SIPA1L3: variants seen among roughly 807,000 people sequenced by gnomAD.
SIPA1L3 encodes the protein signal induced proliferation associated 1 like 3, also known as signal-induced proliferation-associated 1-like protein 3.
SIPA1L3 carries 59 observed loss-of-function variants against 150.1 expected under a neutral mutation model. The ratio of observed to expected loss-of-function variants is 0.39; its 90% CI spans 0.32 to 0.49. SIPA1L3 has a LOEUF of 0.49. Among genes scored for constraint, SIPA1L3 ranks in the 20% least tolerant of loss-of-function variants. SIPA1L3 has a pLI of 0.86. For synonymous variants in SIPA1L3, 1,070 were observed against 1,077.6 expected (o/e 0.99, Z 0.14); for missense variants, 2,211 against 2,489.5 (o/e 0.89, Z 2.38).
intron 1 of SIPA1L3, among the ~76,000 whole-genome samples, chr19:38,022,798 C>T (rs556298888): frequency 6.6e-6 from 1 of 152,230 alleles, no homozygotes; most frequent in African/African-American, 2.4e-5. Context: ...AAACCTTGTG[C>T]TTCAACCCAG....
In SIPA1L3 at chr19:38,169,331, G is replaced by A. The variant is rs1399781232; in HGVS notation, c.4208+4425G>A. On this transcript the variant is annotated intron_variant, in intron 15 of 21. Transcript: ENST00000222345. ...TTGAGTCTGGGAGGCAGAGGTTGCA[G>A]TGAGCCGAGATCACGCCATTGCACT... Among the ~76,000 whole-genome samples the A allele has an allele frequency of 2.6e-5, 4 of 152,108 alleles. No individual in the cohort carries two copies. The South Asian group carries it at 6.2e-4, about 24-fold the overall frequency.
intron 2 of SIPA1L3, among the ~76,000 whole-genome samples, chr19:38,034,091 G>A (rs1473748579): frequency 6.6e-6 from 1 of 151,784 alleles, no homozygotes; most frequent in Non-Finnish European, 1.5e-5. Flanking sequence ...TTCCCCTCAT[G>A]GACACATCGC....
At position 38,025,063 on chromosome 19, in the gene SIPA1L3, A is replaced by T. The variant is rs189019197; in HGVS notation, c.-378-4026A>T. 2.0e-5 allele frequency among the ~76,000 whole-genome samples: 3 copies of T among 152,212 alleles called. No individual in the cohort carries two copies. In the East Asian group the frequency reaches 5.8e-4, roughly 29 times the overall value. On this transcript the variant is annotated intron_variant, in intron 1 of 21. Coordinates refer to ENST00000222345, the MANE Select transcript of SIPA1L3 (RefSeq NM_015073.3). ...CTCTGCTCACCCTCAGGTGGCAAAGAAGTCCTCAGCAGTCCCCCTGCCTTA... is the reference window on the plus strand; with the variant it reads ...CTCTGCTCACCCTCAGGTGGCAAAGTAGTCCTCAGCAGTCCCCCTGCCTTA...
chr19:38,034,316 C>T (rs1036037826), intron 2 of SIPA1L3, among the ~76,000 whole-genome samples: 6 of 152,286 alleles, frequency 3.9e-5, no homozygotes, highest in Admixed American at 1.3e-4. Flanking sequence ...CTGCCGTAAG[C>T]GCCTCACGTG....
At chr19:37,986,307 C>T (rs1967349529) in intron 1 of SIPA1L3, among the ~76,000 whole-genome samples, 2 of 152,228 alleles carry the variant, frequency 1.3e-5, no homozygotes, top group African/African-American at 4.8e-5. Flanking sequence ...AAAGTGCACA[C>T]AGGATGTGCT....
chr19:38,058,234 C>G (rs1364572522), intron 2 of SIPA1L3, among the ~76,000 whole-genome samples: 2 of 152,170 alleles, frequency 1.3e-5, no homozygotes, highest in African/African-American at 2.4e-5. Flanking sequence ...TCGCCATCTG[C>G]CAGCTGGTCC....
chr19:37,946,251 T>A (rs1448901320), intron 1 of SIPA1L3, among the ~76,000 whole-genome samples: 1 of 152,136 alleles, frequency 6.6e-6, no homozygotes, highest in African/African-American at 2.4e-5. Context: ...GTTTCCTGGA[T>A]CCTCACCAAC....
Position 38,142,631 on chromosome 19 carries a change from C to A in SIPA1L3, c.3454C>A (p.Pro1152Thr), listed in dbSNP as rs201958505. Residue 1152 changes from proline (P) to threonine (T), a missense_variant, in exon 12 of 22, where the codon CCT (proline) becomes ACT (threonine). Pro to Thr is a conservative substitution (Grantham distance 38, BLOSUM62 -1). Transcript: ENST00000222345. ...TVSPAGADRV[P>T]PYRQPSGSFS... ...ATCACCAGCAGGGGCCGACAGAGTC[C>A]CTCCCTACCGACAGCCTTCTGGGAG... 1.9e-6 allele frequency: 3 copies of A among 1,614,016 alleles called. No homozygotes were observed. Among genetic ancestry groups the A allele is most frequent in the African/African-American group, 2.7e-5 (2 of 75,036 alleles).
Position 38,161,830 on chromosome 19 carries a change from T to C in SIPA1L3, c.3662-423T>C, listed in dbSNP as rs373120996. 3.7e-4 allele frequency among the ~76,000 whole-genome samples: 56 copies of C among 151,656 alleles called. 1 individual carries two copies. The highest frequency in any genetic ancestry group is 1.4e-3 in the African/African-American group (56 of 41,336). ...TGGGAAGCTGAGGCAGGAGGATCAC[T>C]TGAGGCCAGGAGTTCAAGACCACCC... On this transcript the variant is annotated intron_variant, in intron 13 of 21. Transcript: ENST00000222345.
intron 1 of SIPA1L3, among the ~76,000 whole-genome samples, chr19:37,995,044 C>T (rs755708502): frequency 1.3e-5 from 2 of 152,284 alleles, no homozygotes; most frequent in East Asian, 1.9e-4. Flanking sequence ...TCCTCAGACA[C>T]GGCATCCTGA....
intron 1 of SIPA1L3, among the ~76,000 whole-genome samples, chr19:38,020,100 CTA>C (rs909160615): frequency 1.3e-4 from 17 of 131,390 alleles, no homozygotes; most frequent in Middle Eastern, 3.6e-3. Context: ...CTCTCTCTCT[CTA>C]TATATAAATA....
At chr19:38,149,768 C>T (rs968595426) in intron 12 of SIPA1L3, among the ~76,000 whole-genome samples, 2 of 152,148 alleles carry the variant, frequency 1.3e-5, no homozygotes, top group Non-Finnish European at 2.9e-5. Flanking sequence ...ATCTCATTGG[C>T]CAGAGCTGCA....
intron 1 of SIPA1L3, among the ~76,000 whole-genome samples, chr19:37,991,511 G>T (rs1967508901): frequency 6.6e-6 from 1 of 152,214 alleles, no homozygotes; most frequent in African/African-American, 2.4e-5. Context: ...AAAACCTGAA[G>T]GCAGGAAGAA....
rs188786523 is a variant in SIPA1L3, at chr19:38,009,025, T to C, written c.-378-20064T>C. Reference sequence around the variant, plus strand: ...TTGAGCGACCCTTGTTCTGGCCTGGTTTTTTTTTGTTTTCGTTTGTTTGGT... The same window carrying C: ...TTGAGCGACCCTTGTTCTGGCCTGGCTTTTTTTTGTTTTCGTTTGTTTGGT... On this transcript the variant is annotated intron_variant, in intron 1 of 21. Transcript: ENST00000222345. 2.9e-4 allele frequency among the ~76,000 whole-genome samples: 44 copies of C among 151,368 alleles called. No homozygotes were observed. In the East Asian group the frequency reaches 6.2e-3, roughly 21 times the overall value.
intron 9 of SIPA1L3, among the ~76,000 whole-genome samples, chr19:38,129,701 C>T (rs906819784): frequency 6.6e-6 from 1 of 151,786 alleles, no homozygotes; most frequent in Admixed American, 6.6e-5. Context: ...GGTCCCAGTA[C>T]TTCTGGTCTC....
In SIPA1L3 at chr19:38,142,723, C is replaced by A; in HGVS notation, c.3533+13C>A. The A allele has an allele frequency of 6.2e-7, 1 of 1,608,012 alleles. No individual in the cohort carries two copies. The highest frequency in any genetic ancestry group is 8.5e-7 in the Non-Finnish European group (1 of 1,175,782). On this transcript the variant is annotated intron_variant, in intron 12 of 21. Coordinates refer to ENST00000222345, the MANE Select transcript of SIPA1L3 (RefSeq NM_015073.3). ...CATCCCCAGAAAGGTCAGCCTCCCT[C>A]AATTCTTTTCATGTTAAGGGATCTG...
In SIPA1L3 at chr19:38,110,335, T is replaced by C. The variant is rs1318125484; in HGVS notation, c.2242T>C (p.Phe748Leu). 1 of 1,613,816 alleles carries C rather than the reference T, an allele frequency of 6.2e-7. No homozygotes were observed. The highest frequency in any genetic ancestry group is 8.5e-7 in the Non-Finnish European group (1 of 1,179,982). ...CATCCGCTCCCACTTCCAGCACGTC[T>C]TCATCATTGTCCGAGTCCACAACCC... is the stretch of plus-strand genomic sequence containing the variant. ...KNIRSHFQHVFIIVRVHNPCT... is the reference protein window; with the variant it reads ...KNIRSHFQHVLIIVRVHNPCT... Residue 748 changes from phenylalanine (F) to leucine (L), a missense_variant, in exon 8 of 22, where the codon TTC (phenylalanine) becomes CTC (leucine). Around this residue, in one of 5 missense-constraint regions of SIPA1L3, gnomAD observed 625 missense variants for 804.2 expected, o/e 0.78. Coordinates refer to ENST00000222345, the MANE Select transcript of SIPA1L3 (RefSeq NM_015073.3).
At chr19:37,972,093 A>G (rs1337721604) in intron 1 of SIPA1L3, among the ~76,000 whole-genome samples, 5 of 152,090 alleles carry the variant, frequency 3.3e-5, no homozygotes, top group East Asian at 1.9e-4. Flanking sequence ...TTGGATATCT[A>G]CATACTTAAG....
At position 38,193,525 on chromosome 19, in the gene SIPA1L3, C is replaced by A; in HGVS notation, c.4597-12C>A. The stretch of plus-strand genomic sequence containing the variant: ...CTGTGACCTCCCCCAACATCCCACC[C>A]ACGCCCCACAGCAGTCACCGCAGAA... On this transcript the variant is annotated splice_polypyrimidine_tract_variant and intron_variant, in intron 17 of 21. Coordinates refer to ENST00000222345, the MANE Select transcript of SIPA1L3 (RefSeq NM_015073.3). 1 of 1,448,746 alleles carries A rather than the reference C, an allele frequency of 6.9e-7. No homozygotes were observed. Among genetic ancestry groups the A allele is most frequent in the South Asian group, 1.5e-5 (1 of 68,186 alleles). The allele number at this position is 1,448,746 out of a possible 1,614,324, so 89.7% of individuals were successfully genotyped here. A position where few individuals can be genotyped will look rare whatever the true frequency, so the allele number is the denominator to read the frequency against.
Sources: gnomAD v4.1 joint callset for allele counts (sites outside exome capture counted in the v4.1 genomes callset) on GRCh38, gnomAD v4.1.1 for gene constraint, gnomAD v4.1.1 regional missense constraint, MANE v1.5 for transcripts, NCBI Gene and HGNC (gene_info 2026-07-23, HGNC 2026-07-21) for gene names.